LRRC4C: variants seen among roughly 807,000 people sequenced by gnomAD.
LRRC4C encodes leucine rich repeat containing 4C.
In LRRC4C, 5 loss-of-function variants were observed where a neutral mutation model predicts 33.6. The ratio of observed to expected loss-of-function variants is 0.15; its 90% CI spans 0.08 to 0.31. The LOEUF is 0.31. Ranked by LOEUF, LRRC4C falls within the 10% of genes least tolerant of loss-of-function variation. LRRC4C has a pLI of 1.00. For missense variants in LRRC4C, 560 were observed against 796.7 expected, an observed-to-expected ratio of 0.70 and a Z score of 3.58; for synonymous variants, 329 against 302.0, an observed-to-expected ratio of 1.09 and a Z score of -0.93.
rs117055348 is a variant in LRRC4C at position 41,043,099 on chromosome 11, C to T, written c.-495-109376G>A. Among the ~76,000 whole-genome samples the T allele has an allele frequency of 6.9e-3, 672 of 97,312 alleles. 4 individuals carry two copies. The highest frequency in any genetic ancestry group is 9.6e-3 in the Non-Finnish European group (515 of 53,502). 63.8% of individuals were successfully genotyped at this position (97,312 alleles called of 152,430 possible). On this transcript the variant is annotated intron_variant, in intron 1 of 6. Transcript: ENST00000528697. ...TTTTTTTTTTTTTTTTTTTGCATGA[C>T]GAGGAAGGGATTGAATTCAGAGTAT...
intron 1 of LRRC4C, among the ~76,000 whole-genome samples, chr11:41,273,504 A>G (rs1183006976): frequency 6.6e-6 from 1 of 152,206 alleles, no homozygotes. Flanking sequence ...AAAAGGATAA[A>G]TACTGTACAA....
intron 2 of LRRC4C, among the ~76,000 whole-genome samples, chr11:40,929,430 C>T (rs1957522036): frequency 6.6e-6 from 1 of 152,012 alleles, no homozygotes; most frequent in Non-Finnish European, 1.5e-5. Flanking sequence ...AGTAGTGCAA[C>T]TATTGGCCAT....
At chr11:40,594,122 T>C (rs1449398062) in intron 3 of LRRC4C, among the ~76,000 whole-genome samples, 1 of 152,188 alleles carries the variant, frequency 6.6e-6, no homozygotes, top group African/African-American at 2.4e-5. Context: ...GTCATTGCAA[T>C]AGTCCCTGAT....
chr11:41,247,685 G>C (rs1396416718), intron 1 of LRRC4C, among the ~76,000 whole-genome samples: 1 of 152,164 alleles, frequency 6.6e-6, no homozygotes, highest in East Asian at 1.9e-4. Flanking sequence ...GGGAACATTT[G>C]TCTGCATTTC....
chr11:41,273,134 A>T, intron 1 of LRRC4C, among the ~76,000 whole-genome samples: 1 of 152,288 alleles, frequency 6.6e-6, no homozygotes, highest in Non-Finnish European at 1.5e-5. Context: ...AGGAAAAGGT[A>T]AAGTATAACA....
intron 2 of LRRC4C, among the ~76,000 whole-genome samples, chr11:40,657,954 A>G (rs928016076): frequency 1.3e-5 from 2 of 152,234 alleles, no homozygotes; most frequent in Non-Finnish European, 2.9e-5. Flanking sequence ...AGGGCAAGAT[A>G]TACTAAACAA....
chr11:40,434,675 A>T (rs1951074846), intron 3 of LRRC4C, among the ~76,000 whole-genome samples: 1 of 152,236 alleles, frequency 6.6e-6, no homozygotes, highest in African/African-American at 2.4e-5. Context: ...GGCTCCATGC[A>T]CAGTTGTTCT....
chr11:40,548,401 T>C (rs1224356120), intron 3 of LRRC4C, among the ~76,000 whole-genome samples: 1 of 151,872 alleles, frequency 6.6e-6, no homozygotes, highest in Non-Finnish European at 1.5e-5. Flanking sequence ...AGATCACACA[T>C]AGAGGGAAGA....
chr11:40,208,273 G>A (rs1590712526), intron 5 of LRRC4C, among the ~76,000 whole-genome samples: 2 of 152,144 alleles, frequency 1.3e-5, no homozygotes, highest in Admixed American at 6.5e-5. Context: ...CGAATGTTGA[G>A]CAAATTGCAA....
chr11:40,379,721 A>G (rs1948790944), intron 3 of LRRC4C, among the ~76,000 whole-genome samples: 1 of 152,226 alleles, frequency 6.6e-6, no homozygotes, highest in African/African-American at 2.4e-5. Flanking sequence ...AATTAATTAC[A>G]ACAACTTGTT....
chr11:41,321,651 G>A (rs1490541231), intron 1 of LRRC4C, among the ~76,000 whole-genome samples: 4 of 152,100 alleles, frequency 2.6e-5, no homozygotes, highest in African/African-American at 9.7e-5. Context: ...TGAGACCAGG[G>A]TAGATACCAC....
At chr11:40,413,516 C>T (rs1194622403) in intron 3 of LRRC4C, among the ~76,000 whole-genome samples, 5 of 152,114 alleles carry the variant, frequency 3.3e-5, no homozygotes, top group South Asian at 2.1e-4. Flanking sequence ...ACTATCCAAA[C>T]CCTCTTTTCA....
intron 1 of LRRC4C, among the ~76,000 whole-genome samples, chr11:40,962,106 T>C (rs1418519106): frequency 1.3e-5 from 2 of 151,592 alleles, no homozygotes; most frequent in African/African-American, 2.4e-5. Context: ...TATGTTAGTT[T>C]ATATGGTAAA....
rs369242264 is a variant in LRRC4C, at chr11:40,134,287, G to T, written c.-43+6514C>A. 5.1e-4 allele frequency among the ~76,000 whole-genome samples: 78 copies of T among 152,222 alleles called. 2 individuals carry two copies. The South Asian group carries it at 0.016, about 31-fold the overall frequency. ...GTTTATTTGAAAACAGGCACAAGTT[G>T]GGTAGGGAATATATGAAAGTAAACA... is the stretch of plus-strand genomic sequence containing the variant. On this transcript the variant is annotated intron_variant, in intron 6 of 6. Transcript: ENST00000528697.
At chr11:40,961,877 T>A (rs552731403) in intron 1 of LRRC4C, among the ~76,000 whole-genome samples, 1 of 151,790 alleles carries the variant, frequency 6.6e-6, no homozygotes, top group African/African-American at 2.4e-5. Context: ...GCTGTGTGTT[T>A]AGGGTAGGGG....
chr11:40,950,993 G>C (rs570916060), intron 1 of LRRC4C, among the ~76,000 whole-genome samples: 6 of 151,508 alleles, frequency 4.0e-5, no homozygotes, highest in Admixed American at 1.3e-4. Flanking sequence ...ATACATACAT[G>C]AATCAGTACA....
At chr11:41,336,627 G>A (rs1951464045) in intron 1 of LRRC4C, among the ~76,000 whole-genome samples, 1 of 152,172 alleles carries the variant, frequency 6.6e-6, no homozygotes, top group East Asian at 1.9e-4. Flanking sequence ...TCAGAAGACT[G>A]AACAAAGAGG....
chr11:40,472,210 G>A (rs1258304808), intron 3 of LRRC4C, among the ~76,000 whole-genome samples: 3 of 151,946 alleles, frequency 2.0e-5, no homozygotes, highest in Admixed American at 6.6e-5. Flanking sequence ...AACCTGGGAG[G>A]CGGAGCTTGC....
chr11:41,089,968 T>C (rs7941033), intron 1 of LRRC4C, among the ~76,000 whole-genome samples: 4,416 of 151,916 alleles, frequency 0.029, 141 homozygotes, highest in African/African-American at 0.083. Flanking sequence ...TTTCAAAGAA[T>C]AAGGTGATTG....
Sources: allele counts gnomAD v4.1 joint callset (sites outside exome capture counted in the v4.1 genomes callset), GRCh38; gene constraint gnomAD v4.1.1; transcripts MANE v1.5; gene names NCBI Gene and HGNC (gene_info 2026-07-23, HGNC 2026-07-21).